TRPC4: variants seen among roughly 807,000 people sequenced by gnomAD.
TRPC4 encodes the protein short transient receptor potential channel 4.
TRPC4 carries 49 observed loss-of-function variants against 99.4 expected under a neutral mutation model. That is an observed-to-expected ratio of 0.49 (90% CI 0.39 to 0.63). The LOEUF is 0.63. TRPC4 is among the 20% of genes least tolerant of loss of function. The pLI is 0.00. For missense variants in TRPC4, 898 were observed against 1,152.9 expected (o/e 0.78, Z 3.20); for synonymous variants, 454 against 425.9 (o/e 1.07, Z -0.81).
chr13:37,637,565 T>G lies in TRPC4; in HGVS notation c.2272A>C (p.Lys758Gln), dbSNP rs146807006. ...FEVLGLLRGS[K>Q]LSTIQSANAS... ...TTCGCAGATTGTATTGTGGAAAGTTTGCTTCCTCTTAGTAATCCCAGGACT... is the reference window on the plus strand; with the variant it reads ...TTCGCAGATTGTATTGTGGAAAGTTGGCTTCCTCTTAGTAATCCCAGGACT... The change falls in exon 11 of 11, where the codon AAA (lysine) becomes CAA (glutamine). Residue 758 changes from lysine (K) to glutamine (Q), a missense_variant. Physicochemically the swap from Lys to Gln is moderately conservative, Grantham distance 53 (BLOSUM62 1). Coordinates refer to ENST00000379705, the MANE Select transcript of TRPC4 (RefSeq NM_016179.4). The G allele has an allele frequency of 8.2e-4, 1,325 of 1,612,510 alleles. 1 individual carries two copies. The highest frequency in any genetic ancestry group is 1.1e-3 in the Non-Finnish European group (1,253 of 1,179,456).
chr13:37,817,132 C>CAAGA (rs1957878866), intron 1 of TRPC4, among the ~76,000 whole-genome samples: 1 of 152,062 alleles, frequency 6.6e-6, no homozygotes, highest in Non-Finnish European at 1.5e-5. Flanking sequence ...TCCATAGTCT[C>CAAGA]AGCACAAAAG....
intron 1 of TRPC4, among the ~76,000 whole-genome samples, chr13:37,852,673 A>T (rs1234334311): frequency 1.3e-5 from 2 of 152,186 alleles, no homozygotes; most frequent in South Asian, 4.1e-4. Flanking sequence ...GGGGTCCCTG[A>T]GTCCAGGCCC....
chr13:37,780,378 G>A (rs1257056237), intron 2 of TRPC4, among the ~76,000 whole-genome samples: 1 of 151,482 alleles, frequency 6.6e-6, no homozygotes, highest in Non-Finnish European at 1.5e-5. Context: ...TGTTCAGTTG[G>A]ATATTGTTGT....
At chr13:37,793,452 A>G (rs1957171895) in intron 1 of TRPC4, among the ~76,000 whole-genome samples, 1 of 128,022 alleles carries the variant, frequency 7.8e-6, no homozygotes, top group South Asian at 2.9e-4. Flanking sequence ...CTACCCCACA[A>G]CAGGGCTTAG....
intron 7 of TRPC4, 91 bp from the exon 8 acceptor site, chr13:37,651,550 G>A (rs753380001): frequency 1.2e-5 from 14 of 1,167,760 alleles, no homozygotes; most frequent in Admixed American, 3.9e-5. Context: ...GACTTCAAGC[G>A]GCTCTTGGAA....
chr13:37,637,721 C>CTTG, intron 10 of TRPC4, 96 bp from the exon 11 acceptor site: 1 of 1,240,346 alleles, frequency 8.1e-7, no homozygotes, highest in Non-Finnish European at 1.1e-6. Flanking sequence ...GTTTTCACTC[C>CTTG]TTTTTAAAAA....
intron 1 of TRPC4, among the ~76,000 whole-genome samples, chr13:37,837,490 G>T (rs1958598571): frequency 6.6e-6 from 1 of 152,226 alleles, no homozygotes; most frequent in Non-Finnish European, 1.5e-5. Context: ...GGAGTCAAAG[G>T]AGATCATTTT....
intron 1 of TRPC4, among the ~76,000 whole-genome samples, chr13:37,815,448 G>GA (rs1957822453): frequency 6.7e-6 from 1 of 150,360 alleles, no homozygotes; most frequent in East Asian, 2.0e-4. Context: ...ACAGAAAACT[G>GA]AAAAAAGCAA....
intron 3 of TRPC4, among the ~76,000 whole-genome samples, chr13:37,729,244 T>G (rs555892573): frequency 5.8e-4 from 88 of 152,114 alleles, no homozygotes; most frequent in African/African-American, 2.1e-3. Flanking sequence ...ACATCATTGC[T>G]CATGAGGGAA....
At chr13:37,815,982 T>A (rs1479599449) in intron 1 of TRPC4, among the ~76,000 whole-genome samples, 1 of 151,818 alleles carries the variant, frequency 6.6e-6, no homozygotes, top group East Asian at 1.9e-4. Flanking sequence ...ACATACAAGT[T>A]AAACAACCTA....
At chr13:37,795,851 G>A (rs1316349772) in intron 1 of TRPC4, among the ~76,000 whole-genome samples, 1 of 152,142 alleles carries the variant, frequency 6.6e-6, no homozygotes, top group Non-Finnish European at 1.5e-5. Flanking sequence ...TTGGGAATAT[G>A]AAAGCACTAT....
intron 1 of TRPC4, among the ~76,000 whole-genome samples, chr13:37,795,750 AT>A (rs1415107450): frequency 6.6e-6 from 1 of 152,098 alleles, no homozygotes; most frequent in Non-Finnish European, 1.5e-5. Context: ...CCTTTTCAAA[AT>A]TTTTGTTACT....
At chr13:37,735,586 T>G (rs1425683499) in intron 3 of TRPC4, among the ~76,000 whole-genome samples, 2 of 152,200 alleles carry the variant, frequency 1.3e-5, no homozygotes, top group Non-Finnish European at 2.9e-5. Context: ...CTGATGATCT[T>G]ATTGCTAGCA....
chr13:37,809,044 G>T lies in TRPC4; in HGVS notation c.-27-25684C>A, dbSNP rs945088246. On this transcript the variant is annotated intron_variant, in intron 1 of 10. Transcript: ENST00000379705. The stretch of plus-strand genomic sequence containing the variant: ...AATTTGTTTCTGTTACCAGCAAACA[G>T]GTTTATCCAAATGCAACTAAATAAA... 7.9e-5 allele frequency among the ~76,000 whole-genome samples: 12 copies of T among 152,154 alleles called. No individual in the cohort carries two copies. The East Asian group carries it at 1.7e-3, about 22-fold the overall frequency.
rs1348597056 is a variant in TRPC4, at chr13:37,649,751, AAAAAAAAAAC to A, written c.2079+1504_2079+1513del. 1.3e-4 allele frequency among the ~76,000 whole-genome samples: 18 copies of A among 139,304 alleles called. 1 individual carries two copies. The highest frequency in any genetic ancestry group is 2.3e-4 in the Non-Finnish European group (14 of 60,894). The allele number at this position is 139,304 out of a possible 152,430, so 91.4% of individuals were successfully genotyped here. On this transcript the variant is annotated intron_variant, in intron 8 of 10. Coordinates refer to ENST00000379705, the MANE Select transcript of TRPC4 (RefSeq NM_016179.4). Reference sequence around the variant, plus strand: ...CGTCTCAAAAAAAAAAAAAAAAAAAAAAAAAAAAACAACAACAAAGAACTAAGCTATTACA... The same window carrying A: ...CGTCTCAAAAAAAAAAAAAAAAAAAAAACAACAAAGAACTAAGCTATTACA...
intron 1 of TRPC4, among the ~76,000 whole-genome samples, chr13:37,842,087 C>T (rs896689918): frequency 5.9e-5 from 9 of 151,626 alleles, no homozygotes; most frequent in East Asian, 1.9e-4. Context: ...CTGGCCAACA[C>T]GGTGAAACCC....
At chr13:37,658,711 T>C (rs1037821467) in intron 6 of TRPC4, among the ~76,000 whole-genome samples, 2 of 152,138 alleles carry the variant, frequency 1.3e-5, no homozygotes, top group Non-Finnish European at 2.9e-5. Flanking sequence ...AAATTGCACA[T>C]AGAATAGTTT....
chr13:37,797,745 A>T (rs1329091581), intron 1 of TRPC4, among the ~76,000 whole-genome samples: 2 of 152,136 alleles, frequency 1.3e-5, no homozygotes, highest in African/African-American at 4.8e-5. Context: ...CATCTCCTAA[A>T]TACCTCCAAC....
At chr13:37,688,840 T>A (rs543004664) in intron 4 of TRPC4, among the ~76,000 whole-genome samples, 1 of 152,268 alleles carries the variant, frequency 6.6e-6, no homozygotes, top group South Asian at 2.1e-4. Flanking sequence ...GACACACTTA[T>A]AAGCCACATC....
Sources: allele counts gnomAD v4.1 joint callset (sites outside exome capture counted in the v4.1 genomes callset), GRCh38; gene constraint gnomAD v4.1.1; transcripts MANE v1.5; gene names NCBI Gene and HGNC (gene_info 2026-07-23, HGNC 2026-07-21).